GRTP1: variants seen among roughly 807,000 people sequenced by gnomAD.
GRTP1 encodes growth hormone-regulated TBC protein 1.
Under a neutral mutation model 38.1 loss-of-function variants are expected in GRTP1, and 56 were observed. The ratio of observed to expected loss-of-function variants is 1.47; its 90% CI spans 1.19 to 1.84. GRTP1 has a LOEUF of 1.84. GRTP1 is among the 40% of genes most tolerant of loss of function. GRTP1 has a pLI of 0.00. For synonymous variants in GRTP1, 217 were observed against 189.5 expected (o/e 1.14, Z -1.19); for missense variants, 506 against 453.9 (o/e 1.11, Z -1.04).
At chr13:113,333,138 G>A (rs2042900848) in intron 5 of GRTP1, among the ~76,000 whole-genome samples, 1 of 152,222 alleles carries the variant, frequency 6.6e-6, no homozygotes, top group South Asian at 2.1e-4. Flanking sequence ...GGGCGCTGGG[G>A]TATCCTCATC....
In GRTP1 at chr13:113,346,140, A is replaced by G. The variant is rs1422873429; in HGVS notation, c.466-1181T>C. On this transcript the variant is annotated intron_variant, in intron 4 of 7. Coordinates refer to ENST00000375431, the MANE Select transcript of GRTP1 (RefSeq NM_024719.4). ...CGGGAGGACCTCTGTGGACAAGAGC[A>G]GACCCGGGAGGACCTCTGTGCCTGA... Among the ~76,000 whole-genome samples the G allele has an allele frequency of 2.0e-4, 22 of 109,612 alleles. 3 individuals are homozygous for G. The highest frequency in any genetic ancestry group is 2.1e-4 in the Non-Finnish European group (11 of 51,500). 71.9% of individuals were successfully genotyped at this position (109,612 alleles called of 152,430 possible).
chr13:113,364,146 G>A (rs1391308933), upstream of GRTP1: 6 of 866,562 alleles, frequency 6.9e-6, no homozygotes, highest in Non-Finnish European at 8.4e-6. Flanking sequence ...GACCGCGGGC[G>A]CGTGGGGGCG....
chr13:113,347,719 C>T (rs1278488894), intron 4 of GRTP1, among the ~76,000 whole-genome samples: 4 of 114,074 alleles, frequency 3.5e-5, no homozygotes, highest in African/African-American at 1.4e-4. Flanking sequence ...AGAGCAGACC[C>T]GGGAGGACCT....
intron 5 of GRTP1, among the ~76,000 whole-genome samples, chr13:113,340,968 AT>A (rs1430280884): frequency 2.7e-5 from 4 of 149,890 alleles, no homozygotes; most frequent in African/African-American, 9.8e-5. Context: ...CTGTCTCTTC[AT>A]TTTTTTCTTT....
rs2043553874 is a variant in GRTP1 at position 113,364,053 on chromosome 13, CG to C, written c.-3del. 3.1e-6 allele frequency: 4 copies of C among 1,284,698 alleles called. No homozygotes were observed. Among genetic ancestry groups the C allele is most frequent in the Non-Finnish European group, 3.9e-6 (4 of 1,022,238 alleles). 79.6% of individuals were successfully genotyped at this position (1,284,698 alleles called of 1,614,324 possible). The stretch of plus-strand genomic sequence containing the variant: ...CCGCGAGCGCTCGGCGGGCTGCATG[CG>C]GGGAGGGAGGCGCGCACCGAGCGAG... On this transcript the variant is annotated 5_prime_UTR_variant, in exon 1 of 8. Transcript: ENST00000375431.
At position 113,363,802 on chromosome 13, in the gene GRTP1, G is replaced by A; in HGVS notation, c.141C>T (p.Ser47=). 2 of 1,611,296 alleles carry A rather than the reference G, an allele frequency of 1.2e-6. No homozygotes were observed. Among genetic ancestry groups the A allele is most frequent in the Non-Finnish European group, 1.7e-6 (2 of 1,179,388 alleles). Residue 47 remains serine, a synonymous_variant, in exon 2 of 8, where the codon TCC becomes TCT. Coordinates refer to ENST00000375431, the MANE Select transcript of GRTP1 (RefSeq NM_024719.4). The part of the protein sequence containing the change: ...VTLTRRAIKW[S]RLLQGGGVPR... ...GGACGCCCCCGCCCTGCAGCAGCCGGGACCATTTGATCGCCCTGCGGGTGA... is the reference window on the plus strand; with the variant it reads ...GGACGCCCCCGCCCTGCAGCAGCCGAGACCATTTGATCGCCCTGCGGGTGA...
rs372990448 is a variant in GRTP1, at chr13:113,338,165, G to A, written c.562+6698C>T. Among the ~76,000 whole-genome samples the A allele has an allele frequency of 4.3e-4, 66 of 152,272 alleles. No individual in the cohort carries two copies. In the East Asian group the frequency reaches 6.8e-3, roughly 16 times the overall value. ...CCTCTGAGGAGGCCCGGGACCCATC[G>A]CCCGCCCGGGGAGCGGCGTCTGCAC... On this transcript the variant is annotated intron_variant, in intron 5 of 7. Coordinates refer to ENST00000375431, the MANE Select transcript of GRTP1 (RefSeq NM_024719.4).
intron 3 of GRTP1, among the ~76,000 whole-genome samples, chr13:113,353,163 C>T (rs1188105339): frequency 6.7e-5 from 10 of 148,620 alleles, no homozygotes; most frequent in Middle Eastern, 3.2e-3. Context: ...CAGCCCCACA[C>T]TCTGGGTAGG....
At chr13:113,332,828 C>T (rs2042896761) in intron 5 of GRTP1, among the ~76,000 whole-genome samples, 1 of 152,198 alleles carries the variant, frequency 6.6e-6, no homozygotes, top group Non-Finnish European at 1.5e-5. Context: ...GCCACATTCA[C>T]ATCCACAGGA....
intron 3 of GRTP1, among the ~76,000 whole-genome samples, chr13:113,354,806 C>T (rs1382828598): frequency 1.3e-5 from 2 of 152,184 alleles, no homozygotes; most frequent in African/African-American, 4.8e-5. Flanking sequence ...GGATTACAGG[C>T]GTGAGCCACC....
rs568987269 is a variant in GRTP1 at position 113,343,902 on chromosome 13, C to T, written c.562+961G>A. 4.1e-4 allele frequency among the ~76,000 whole-genome samples: 62 copies of T among 152,318 alleles called. No individual in the cohort carries two copies. The highest frequency in any genetic ancestry group is 1.6e-4 in the Non-Finnish European group (11 of 68,016). ...GTCTCAGCCCCAGGCCCTGCCCACC[C>T]GACTGATCCTCAGCTTCTCTTCCCA... On this transcript the variant is annotated intron_variant, in intron 5 of 7. Coordinates refer to ENST00000375431, the MANE Select transcript of GRTP1 (RefSeq NM_024719.4). This position sits in a 1 kb window ranked among gnomAD's most constrained non-coding sequence, Gnocchi z 4.8.
At chr13:113,338,668 A>G (rs974294090) in intron 5 of GRTP1, among the ~76,000 whole-genome samples, 7 of 151,900 alleles carry the variant, frequency 4.6e-5, no homozygotes, top group Non-Finnish European at 7.4e-5. Flanking sequence ...ACGGACTCGC[A>G]CCCCGTGGTC....
At chr13:113,346,260 A>ACCCGGGAGGACCTCTGTGGCTGAGCG (rs1400576515) in intron 4 of GRTP1, among the ~76,000 whole-genome samples, 1 of 62,726 alleles carries the variant, frequency 1.6e-5, no homozygotes, top group African/African-American at 7.9e-5. Flanking sequence ...GGCCGAGAGC[A>ACCCGGGAGGACCTCTGTGGCTGAGCG]GATCCGGGAG....
At chr13:113,350,778 G>A in intron 4 of GRTP1, 71 bp downstream of exon 4, 1 of 1,383,548 alleles carries the variant, frequency 7.2e-7, no homozygotes, top group Non-Finnish European at 9.7e-7. Context: ...GGCCGTCACT[G>A]CCGAGCCTGC....
intron 5 of GRTP1, among the ~76,000 whole-genome samples, chr13:113,327,503 T>G (rs183958936): frequency 3.0e-4 from 46 of 152,310 alleles, no homozygotes; most frequent in Admixed American, 1.8e-3. Flanking sequence ...AATATCTTGG[T>G]TAAAATAGAA....
chr13:113,355,275 C>T (rs2043362123), intron 3 of GRTP1, 48 bp downstream of exon 3: 1 of 1,597,086 alleles, frequency 6.3e-7, no homozygotes, highest in African/African-American at 1.3e-5. Flanking sequence ...AAACCGGTTC[C>T]TTCCGGCCCC....
At position 113,348,119 on chromosome 13, in the gene GRTP1, G is replaced by A. The variant is rs189593290; in HGVS notation, c.465+2730C>T. The stretch of plus-strand genomic sequence containing the variant: ...TGGACCTGGGAGAGGGCGACCATGT[G>A]GACAGTGTGGACACATGGAAATGCA... On this transcript the variant is annotated intron_variant, in intron 4 of 7. Transcript: ENST00000375431. The surrounding 1 kb of genome is among the most constrained non-coding windows in gnomAD (Gnocchi z 4.8). Among the ~76,000 whole-genome samples, 42 of 152,298 alleles carry A rather than the reference G, an allele frequency of 2.8e-4. 1 individual carries two copies. The highest frequency in any genetic ancestry group is 8.7e-4 in the African/African-American group (36 of 41,554).
At chr13:113,361,985 T>C (rs1443682758) in intron 2 of GRTP1, 1 of 151,818 alleles carries the variant, frequency 6.6e-6, no homozygotes, top group African/African-American at 2.4e-5. Context: ...CCATCTCTAC[T>C]AAAAAATAGA....
In GRTP1 at chr13:113,330,215, AGGTGCGTGGATGGAAACCCG is replaced by A. The variant is rs2042840329; in HGVS notation, c.563-4144_563-4125del. On this transcript the variant is annotated intron_variant, in intron 5 of 7. Coordinates refer to ENST00000375431, the MANE Select transcript of GRTP1 (RefSeq NM_024719.4). ...AACCCAGATGTGTGCATGGGAGCCC[AGGTGCGTGGATGGAAACCCG>A]GGTGTGTGCATGGAAACCCAGGTGT... Among the ~76,000 whole-genome samples, 91 of 123,090 alleles carry A rather than the reference AGGTGCGTGGATGGAAACCCG, an allele frequency of 7.4e-4. 3 individuals carry two copies. The highest frequency in any genetic ancestry group is 2.5e-3 in the African/African-American group (78 of 31,246). The allele number at this position is 123,090 out of a possible 152,430, so 80.8% of individuals were successfully genotyped here.
Sources: gnomAD v4.1 joint callset for allele counts (sites outside exome capture counted in the v4.1 genomes callset) on GRCh38, gnomAD v4.1.1 for gene constraint, Gnocchi (gnomAD v3.1) non-coding constraint, MANE v1.5 for transcripts, NCBI Gene and HGNC (gene_info 2026-07-23, HGNC 2026-07-21) for gene names.